Variants in R3HDM2 observed in about 807,000 individuals in gnomAD.
R3HDM2 encodes the protein R3H domain containing 2.
Under a neutral mutation model 124.5 loss-of-function variants are expected in R3HDM2, and 38 were observed. The ratio of observed to expected loss-of-function variants is 0.31; its 90% CI spans 0.24 to 0.40. R3HDM2 has a LOEUF of 0.40. Ranked by LOEUF, R3HDM2 falls within the 10% of genes least tolerant of loss-of-function variation. The probability of loss-of-function intolerance (pLI) is 1.00; values close to 1 mark genes in which losing one functional copy is unlikely to be tolerated. For synonymous variants in R3HDM2, 391 were observed against 448.0 expected (o/e 0.87, Z 1.61); for missense variants, 869 against 1,236.9 (o/e 0.70, Z 4.46).
At chr12:57,370,161 T>C (rs1177685293) in intron 2 of R3HDM2, among the ~76,000 whole-genome samples, 1 of 151,950 alleles carries the variant, frequency 6.6e-6, no homozygotes, top group African/African-American at 2.4e-5. Flanking sequence ...ACGGGGGCGG[T>C]TCCCCCCGCT....
intron 7 of R3HDM2, chr12:57,297,830 T>C: frequency 2.0e-6 from 1 of 501,158 alleles, no homozygotes; most frequent in Non-Finnish European, 3.6e-6. Context: ...TTAATCAGTA[T>C]ACTCCCAAGA....
At chr12:57,404,889 T>TA (rs1019421514) in intron 1 of R3HDM2, among the ~76,000 whole-genome samples, 9 of 150,138 alleles carry the variant, frequency 6.0e-5, no homozygotes, top group Admixed American at 1.3e-4. Flanking sequence ...AAATAAAACT[T>TA]AAAAAAAAAC....
At chr12:57,399,968 C>A (rs1262091990) in intron 1 of R3HDM2, among the ~76,000 whole-genome samples, 1 of 152,188 alleles carries the variant, frequency 6.6e-6, no homozygotes, top group Non-Finnish European at 1.5e-5. Flanking sequence ...AAGTCACTGA[C>A]TTGCCAAAGA....
At chr12:57,317,204 T>C (rs2055259697) in intron 2 of R3HDM2, among the ~76,000 whole-genome samples, 1 of 151,642 alleles carries the variant, frequency 6.6e-6, no homozygotes, top group African/African-American at 2.4e-5. Context: ...TTTTGTTTGT[T>C]TTTTTGTTTT....
At chr12:57,398,559 G>A (rs933620926) in intron 1 of R3HDM2, among the ~76,000 whole-genome samples, 1 of 151,444 alleles carries the variant, frequency 6.6e-6, no homozygotes, top group Non-Finnish European at 1.5e-5. Context: ...CGTGATCTCG[G>A]CTCACTGCAA....
intron 2 of R3HDM2, among the ~76,000 whole-genome samples, chr12:57,313,128 T>C (rs2054266569): frequency 6.6e-6 from 1 of 152,086 alleles, no homozygotes. Context: ...GGGACTTTGT[T>C]TATGTATGTA....
intron 1 of R3HDM2, among the ~76,000 whole-genome samples, chr12:57,424,267 C>T (rs1303361306): frequency 6.6e-6 from 1 of 151,906 alleles, no homozygotes; most frequent in African/African-American, 2.4e-5. Flanking sequence ...AAGCAATTCT[C>T]GTGCCTCAGC....
intron 4 of R3HDM2, among the ~76,000 whole-genome samples, chr12:57,300,444 G>T (rs1320680508): frequency 2.0e-5 from 3 of 152,100 alleles, no homozygotes; most frequent in African/African-American, 7.2e-5. Flanking sequence ...ATTTCACTCA[G>T]CCCTCTTCTC....
chr12:57,256,837 T>TG (rs2039179714), intron 21 of R3HDM2, among the ~76,000 whole-genome samples: 1 of 151,812 alleles, frequency 6.6e-6, no homozygotes, highest in South Asian at 2.1e-4. Context: ...TTTTTTTTTT[T>TG]GAGACAGAGT....
Position 57,256,497 on chromosome 12 carries a change from A to T in R3HDM2, c.2464T>A (p.Ser822Thr). 1 of 1,584,628 alleles carries T rather than the reference A, an allele frequency of 6.3e-7. No homozygotes were observed. The highest frequency in any genetic ancestry group is 8.6e-7 in the Non-Finnish European group (1 of 1,165,300). The change falls in exon 22 of 24, where the codon TCC (serine) becomes ACC (threonine). Residue 822 changes from serine to threonine, a missense_variant. Physicochemically the swap from Ser to Thr is moderately conservative, Grantham distance 58. This residue lies in a region of R3HDM2 where 602 missense variants were observed against 789.2 expected (regional missense o/e 0.76). Transcript: ENST00000402412. The part of the protein sequence containing the change: ...GGPAQGDGRY[S>T]LLGQPLQYNL... ...TACTGTAATGGCTGGCCCAAAAGGG[A>T]GTAGCGCCCATCACCTAGGGAGTAA...
At chr12:57,322,170 C>G (rs925186973) in intron 2 of R3HDM2, among the ~76,000 whole-genome samples, 1 of 152,114 alleles carries the variant, frequency 6.6e-6, no homozygotes, top group African/African-American at 2.4e-5. Context: ...GAGCCAAGAT[C>G]GCGCCACTGC....
At chr12:57,266,003 G>A (rs1342347834) in intron 19 of R3HDM2, among the ~76,000 whole-genome samples, 1 of 151,982 alleles carries the variant, frequency 6.6e-6, no homozygotes, top group Non-Finnish European at 1.5e-5. Flanking sequence ...CACCATGTTT[G>A]CCAGGCTGGT....
At chr12:57,322,361 T>C (rs1021018113) in intron 2 of R3HDM2, among the ~76,000 whole-genome samples, 2 of 152,166 alleles carry the variant, frequency 1.3e-5, no homozygotes, top group Admixed American at 6.6e-5. Flanking sequence ...AGGGGTTAAG[T>C]GGTAGCTTAA....
chr12:57,256,442 T>C lies in R3HDM2; in HGVS notation c.2519A>G (p.His840Arg). The change falls in exon 22 of 24, where the codon CAT (histidine) becomes CGT (arginine). Residue 840 changes from histidine (H) to arginine (R), a missense_variant. Physicochemically the swap from His to Arg is conservative, Grantham distance 29. Coordinates refer to ENST00000402412, the MANE Select transcript of R3HDM2 (RefSeq NM_001394031.1). ...GTGCACCGTGTAAGTTGACTGGCCATGGAGCAAGGGAGGGCAGATGGACAG... is the reference window on the plus strand; with the variant it reads ...GTGCACCGTGTAAGTTGACTGGCCACGGAGCAAGGGAGGGCAGATGGACAG... ...YNLSICPPLL[H>R]GQSTYTVHQG... 1 of 1,598,070 alleles carries C rather than the reference T, an allele frequency of 6.3e-7. No individual in the cohort carries two copies. Among genetic ancestry groups the C allele is most frequent in the Non-Finnish European group, 8.5e-7 (1 of 1,171,900 alleles).
At chr12:57,358,379 G>A (rs894810256) in intron 2 of R3HDM2, among the ~76,000 whole-genome samples, 2 of 152,132 alleles carry the variant, frequency 1.3e-5, no homozygotes, top group Non-Finnish European at 2.9e-5. Context: ...GTGTACGCCT[G>A]TAATCCTAGT....
At chr12:57,304,206 G>C (rs149044527) in intron 3 of R3HDM2, among the ~76,000 whole-genome samples, 1 of 152,172 alleles carries the variant, frequency 6.6e-6, no homozygotes, top group South Asian at 2.1e-4. Flanking sequence ...AGAGCAAGGG[G>C]AAGAGAGTGG....
At chr12:57,286,910 A>C (rs2047475892) in intron 12 of R3HDM2, among the ~76,000 whole-genome samples, 1 of 152,128 alleles carries the variant, frequency 6.6e-6, no homozygotes, top group Non-Finnish European at 1.5e-5. Context: ...CTGGAGAGGA[A>C]AGGGCTGCAC....
At chr12:57,275,501 GA>G (rs56371479) in intron 14 of R3HDM2, among the ~76,000 whole-genome samples, 56,784 of 127,338 alleles carry the variant, frequency 0.45, 11,565 homozygotes, top group Admixed American at 0.51. Context: ...CGTTTGCATG[GA>G]AAAAAAAAAA....
At chr12:57,358,406 T>C (rs1469802952) in intron 2 of R3HDM2, among the ~76,000 whole-genome samples, 1 of 152,048 alleles carries the variant, frequency 6.6e-6, no homozygotes, top group Non-Finnish European at 1.5e-5. Flanking sequence ...GGAGGTCAAG[T>C]TGGGTGGATC....
Sources: gnomAD v4.1 joint callset for allele counts (sites outside exome capture counted in the v4.1 genomes callset) on GRCh38, gnomAD v4.1.1 for gene constraint, gnomAD v4.1.1 regional missense constraint, MANE v1.5 for transcripts, NCBI Gene and HGNC (gene_info 2026-07-23, HGNC 2026-07-21) for gene names.